The following PIK3R1 variants were observed in gnomAD, a reference collection of about 807,000 sequenced individuals.
PIK3R1 encodes the protein phosphatidylinositol 3-kinase regulatory subunit alpha.
Under a neutral mutation model 98.0 loss-of-function variants are expected in PIK3R1, and 29 were observed. That is an observed-to-expected ratio of 0.30 (90% CI 0.22 to 0.40). PIK3R1 has a LOEUF of 0.40. PIK3R1 is among the 10% of genes least tolerant of loss of function. The probability of loss-of-function intolerance (pLI) is 1.00; values close to 1 mark genes in which losing one functional copy is unlikely to be tolerated. For synonymous variants in PIK3R1, 282 were observed against 311.8 expected (o/e 0.90, Z 1.01); for missense variants, 596 against 872.7 (o/e 0.68, Z 3.99).
At chr5:68,293,056 G>T (rs2112250630) in intron 8 of PIK3R1, 45 bp from the exon 9 acceptor site, 1 of 1,447,186 alleles carries the variant, frequency 6.9e-7, no homozygotes, top group Non-Finnish European at 9.7e-7. Flanking sequence ...TAAATCTGTG[G>T]TCACTAAACC....
At chr5:68,287,137 T>C (rs1293886677) in intron 7 of PIK3R1, among the ~76,000 whole-genome samples, 2 of 152,206 alleles carry the variant, frequency 1.3e-5, no homozygotes, top group Non-Finnish European at 2.9e-5. Flanking sequence ...ACTGGATCAC[T>C]TTCCCATGCA....
chr5:68,228,949 G>A (rs1046073238), intron 2 of PIK3R1, among the ~76,000 whole-genome samples: 20 of 151,968 alleles, frequency 1.3e-4, no homozygotes, highest in African/African-American at 4.8e-4. Context: ...CTCATGTAAT[G>A]TGATGACAAT....
chr5:68,253,076 C>T (rs1745379569), intron 2 of PIK3R1, among the ~76,000 whole-genome samples: 2 of 152,142 alleles, frequency 1.3e-5, no homozygotes, highest in African/African-American at 2.4e-5. Context: ...TAATTTTTAT[C>T]TACGTTGCAT....
chr5:68,257,187 C>T (rs1030081480), intron 2 of PIK3R1, among the ~76,000 whole-genome samples: 2 of 152,206 alleles, frequency 1.3e-5, no homozygotes, highest in Admixed American at 6.5e-5. Flanking sequence ...GTGTACATAA[C>T]GCAAGGCAAT....
chr5:68,251,439 G>A (rs985522340), intron 2 of PIK3R1, among the ~76,000 whole-genome samples: 6 of 151,654 alleles, frequency 4.0e-5, no homozygotes, highest in African/African-American at 9.7e-5. Flanking sequence ...TTTATAATGA[G>A]TATGTCTTCG....
intron 7 of PIK3R1, chr5:68,291,527 G>A (rs755075117): frequency 4.6e-5 from 7 of 151,892 alleles, no homozygotes; most frequent in Non-Finnish European, 1.0e-4. Flanking sequence ...CCCATTTAAG[G>A]TATTCAGGAA....
At chr5:68,281,055 G>A (rs1746812681) in intron 7 of PIK3R1, 49 bp downstream of exon 7, 17 of 1,312,596 alleles carry the variant, frequency 1.3e-5, no homozygotes, top group Non-Finnish European at 1.8e-5. Context: ...ATTTTTTAGA[G>A]CCTTAAAAAA....
chr5:68,301,451 T>TA lies in PIK3R1; in HGVS notation c.*3851dup, dbSNP rs1748088400. The TA allele has an allele frequency of 7.6e-6, 1 of 130,982 alleles. No individual in the cohort carries two copies. The highest frequency in any genetic ancestry group is 3.2e-5 in the African/African-American group (1 of 31,456). The allele number at this position is 130,982 out of a possible 1,614,324, so 8.1% of individuals were successfully genotyped here. A position where few individuals can be genotyped will look rare whatever the true frequency, so the allele number is the denominator to read the frequency against. ...ATATATATGTGTGTGTATATATATA[T>TA]ATATGTGTATATATATATGTATATA... On this transcript the variant is annotated 3_prime_UTR_variant, in exon 16 of 16. Transcript: ENST00000521381.
chr5:68,269,829 G>A (rs1746272063), intron 2 of PIK3R1, among the ~76,000 whole-genome samples: 1 of 151,820 alleles, frequency 6.6e-6, no homozygotes, highest in Admixed American at 6.6e-5. Context: ...AAGAGGAAAT[G>A]GATTGACTCG....
chr5:68,267,974 C>G (rs1402182757), intron 2 of PIK3R1, among the ~76,000 whole-genome samples: 1 of 151,990 alleles, frequency 6.6e-6, no homozygotes, highest in East Asian at 1.9e-4. Flanking sequence ...CAATTGCAAT[C>G]GGGTATTTCC....
chr5:68,300,691 T>G lies in PIK3R1; in HGVS notation c.*3090T>G, dbSNP rs1379444893. ...TTCAGCCAAAACAGATCCACAGTAG[T>G]TGTTGAGTTCAAGTACATAAAGTAC... On this transcript the variant is annotated 3_prime_UTR_variant, in exon 16 of 16. Transcript: ENST00000521381. The G allele has an allele frequency of 4.3e-6, 1 of 233,168 alleles. No homozygotes were observed. The highest frequency in any genetic ancestry group is 6.0e-5 in the East Asian group (1 of 16,588). 14.4% of individuals were successfully genotyped at this position (233,168 alleles called of 1,614,324 possible).
At chr5:68,272,252 C>CAAAA (rs36123886) in intron 2 of PIK3R1, among the ~76,000 whole-genome samples, 1,248 of 46,788 alleles carry the variant, frequency 0.027, 26 homozygotes, top group African/African-American at 0.09. Context: ...GACCCTGTCT[C>CAAAA]AAAAAAAAAA....
At chr5:68,261,388 A>C (rs1745739585) in intron 2 of PIK3R1, among the ~76,000 whole-genome samples, 2 of 152,158 alleles carry the variant, frequency 1.3e-5, no homozygotes, top group African/African-American at 4.8e-5. Context: ...AAAATCTGGA[A>C]CATATGGCCT....
At chr5:68,253,628 A>G (rs1305629013) in intron 2 of PIK3R1, among the ~76,000 whole-genome samples, 2 of 152,188 alleles carry the variant, frequency 1.3e-5, no homozygotes, top group Non-Finnish European at 2.9e-5. Context: ...CCTATTTTAA[A>G]TAAAATGACA....
rs1314898814 is a variant in PIK3R1 at position 68,296,326 on chromosome 5, A to G, written c.1970A>G (p.Tyr657Cys). 8 of 1,613,982 alleles carry G rather than the reference A, an allele frequency of 5.0e-6. No individual in the cohort carries two copies. The highest frequency in any genetic ancestry group is 5.9e-6 in the Non-Finnish European group (7 of 1,179,970). ...LVRESSKQGCYACSVVVDGEV... is the reference protein window; with the variant it reads ...LVRESSKQGCCACSVVVDGEV... Reference sequence around the variant, plus strand: ...CGGGAGAGCAGTAAACAGGGCTGCTATGCCTGCTCTGTAGTGTATGTATCT... The same window carrying G: ...CGGGAGAGCAGTAAACAGGGCTGCTGTGCCTGCTCTGTAGTGTATGTATCT... The change falls in exon 15 of 16, where the codon TAT becomes TGT. Residue 657 changes from tyrosine to cysteine, a missense_variant. Physicochemically the swap from Tyr to Cys is radical, Grantham distance 194. This residue lies in a region of PIK3R1 where 207 missense variants were observed against 361.4 expected (regional missense o/e 0.57). Transcript: ENST00000521381.
Position 68,295,413 on chromosome 5 carries a change from T to G in PIK3R1, c.1746-7T>G. The G allele has an allele frequency of 6.2e-7, 1 of 1,614,168 alleles. No individual in the cohort carries two copies. On this transcript the variant is annotated splice_region_variant and splice_polypyrimidine_tract_variant and intron_variant, in intron 13 of 15. Coordinates refer to ENST00000521381, the MANE Select transcript of PIK3R1 (RefSeq NM_181523.3). ...TAATGCGTTCTCTTTTCAAAACTGT[T>G]TTTCAGGTGGTTGACTCAAAAAGGT...
chr5:68,289,568 C>G (rs1402795627), intron 7 of PIK3R1, among the ~76,000 whole-genome samples: 1 of 151,712 alleles, frequency 6.6e-6, no homozygotes, highest in Non-Finnish European at 1.5e-5. Context: ...GCCCCTCCCC[C>G]CCCGCCATCA....
At chr5:68,270,044 C>T (rs1746280975) in intron 2 of PIK3R1, among the ~76,000 whole-genome samples, 1 of 152,080 alleles carries the variant, frequency 6.6e-6, no homozygotes, top group African/African-American at 2.4e-5. Flanking sequence ...ACTTACACTT[C>T]CTAGTACCCA....
At chr5:68,219,774 T>C (rs40419) in intron 1 of PIK3R1, among the ~76,000 whole-genome samples, 79,116 of 152,080 alleles carry the variant, frequency 0.52, 22,033 homozygotes, top group East Asian at 0.73. Flanking sequence ...AAATCCCTCA[T>C]AAATGTTTGT....
Sources: gnomAD v4.1 joint callset for allele counts (sites outside exome capture counted in the v4.1 genomes callset) on GRCh38, gnomAD v4.1.1 for gene constraint, gnomAD v4.1.1 regional missense constraint, MANE v1.5 for transcripts, NCBI Gene and HGNC (gene_info 2026-07-23, HGNC 2026-07-21) for gene names.